The following CERK variants were observed in gnomAD, a reference collection of about 807,000 sequenced individuals.
CERK encodes acylsphingosine kinase.
Under a neutral mutation model 63.4 loss-of-function variants are expected in CERK, and 39 were observed. That is an observed-to-expected ratio of 0.61 (90% CI 0.48 to 0.80). The LOEUF is 0.80. Ranked by LOEUF, CERK falls within the 30% of genes least tolerant of loss-of-function variation. The pLI is 0.00. For missense variants in CERK, 670 were observed against 714.1 expected, an observed-to-expected ratio of 0.94 and a Z score of 0.70; for synonymous variants, 302 against 280.0, an observed-to-expected ratio of 1.08 and a Z score of -0.78.
chr22:46,696,327 TC>T (rs1030381058), intron 8 of CERK, among the ~76,000 whole-genome samples: 5 of 152,108 alleles, frequency 3.3e-5, no homozygotes, highest in Non-Finnish European at 7.4e-5. Flanking sequence ...CAGCTCCGCC[TC>T]CCTGCAGAGT....
intron 8 of CERK, among the ~76,000 whole-genome samples, chr22:46,697,510 TTTC>T: frequency 6.6e-6 from 1 of 150,584 alleles, no homozygotes; most frequent in Non-Finnish European, 1.5e-5. Flanking sequence ...AAATTCTACT[TTTC>T]TTTTTTTTTG....
rs570390031 is a variant in CERK, at chr22:46,689,999, C to T, written c.1534G>A (p.Glu512Lys). The T allele has an allele frequency of 1.7e-5, 28 of 1,604,384 alleles. No individual in the cohort carries two copies. The Admixed American group carries it at 3.2e-4, about 18-fold the overall frequency. The change falls in exon 12 of 13, where the codon GAG (glutamate) becomes AAG (lysine). Residue 512 changes from glutamate to lysine, a missense_variant. Transcript: ENST00000216264. ...GAGGACCCCTGCACGCACCTGACCTCGATGGCAGGGCTGTGCAGGACCTCC... is the reference window on the plus strand; with the variant it reads ...GAGGACCCCTGCACGCACCTGACCTTGATGGCAGGGCTGTGCAGGACCTCC... Reference protein sequence around the residue: ...DGEVLHSPAIEVRVHCQLVRL... With the variant: ...DGEVLHSPAIKVRVHCQLVRL...
At position 46,720,883 on chromosome 22, in the gene CERK, A is replaced by C. The variant is rs969183796; in HGVS notation, c.256+19T>G. On this transcript the variant is annotated intron_variant, in intron 2 of 12. Coordinates refer to ENST00000216264, the MANE Select transcript of CERK (RefSeq NM_022766.6). ...TAGAATTAATGAAGAATGTGGGAGA[A>C]GACATTTAGGCTTATCACCTGTAAA... 2.1e-6 allele frequency: 3 copies of C among 1,423,402 alleles called. No individual in the cohort carries two copies. Among genetic ancestry groups the C allele is most frequent in the South Asian group, 1.1e-5 (1 of 87,178 alleles). 88.2% of individuals were successfully genotyped at this position (1,423,402 alleles called of 1,614,324 possible).
Position 46,695,308 on chromosome 22 carries a change from C to T in CERK, c.951G>A (p.Lys317=), listed in dbSNP as rs769366380. ...CATAGCAGTGGTGGGAGAGGAAGGTCTTTAAACCTGGGAACAGAGTGCAGT... is the reference window on the plus strand; with the variant it reads ...CATAGCAGTGGTGGGAGAGGAAGGTTTTTAAACCTGGGAACAGAGTGCAGT... The part of the protein sequence containing the change: ...GLARYDFSGL[K]TFLSHHCYEG... The change falls in exon 9 of 13, where the codon AAG becomes AAA. Residue 317 remains lysine, a synonymous_variant. Transcript: ENST00000216264. The T allele has an allele frequency of 1.3e-5, 21 of 1,593,276 alleles. No individual in the cohort carries two copies. The highest frequency in any genetic ancestry group is 2.2e-5 in the South Asian group (2 of 90,694).
chr22:46,695,243 CCCA>C lies in CERK; in HGVS notation c.1013_1015del (p.Val338del), dbSNP rs749140427. 3.7e-6 allele frequency: 6 copies of C among 1,609,246 alleles called. No individual in the cohort carries two copies. In the East Asian group the frequency reaches 1.3e-4, roughly 36 times the overall value. ...GCAGGGCTTCCTATCCCTTGGAGAT[CCCA>C]CCGTGTGTTGTGCAGGGAGGAAGGA... On this transcript the variant is annotated inframe_deletion, in exon 9 of 13. Coordinates refer to ENST00000216264, the MANE Select transcript of CERK (RefSeq NM_022766.6).
At chr22:46,691,056 T>TACAC (rs141210280) in intron 11 of CERK, among the ~76,000 whole-genome samples, 15,979 of 147,216 alleles carry the variant, frequency 0.11, 1,039 homozygotes, top group African/African-American at 0.17. Flanking sequence ...TATACATACA[T>TACAC]ACACACACAC....
At chr22:46,699,125 C>A (rs2082770589) in intron 8 of CERK, among the ~76,000 whole-genome samples, 188 bp downstream of exon 8, 1 of 151,966 alleles carries the variant, frequency 6.6e-6, no homozygotes, top group Non-Finnish European at 1.5e-5. Context: ...TGGTTTAGAG[C>A]AATCCAGGTT....
intron 5 of CERK, among the ~76,000 whole-genome samples, chr22:46,709,596 C>A (rs545438433): frequency 6.6e-6 from 1 of 152,304 alleles, no homozygotes; most frequent in Admixed American, 6.5e-5. Flanking sequence ...ACCTGGAGGA[C>A]CCTCAATAAT....
intron 10 of CERK, 128 bp downstream of exon 10, chr22:46,693,299 C>CT: frequency 1.4e-6 from 1 of 722,568 alleles, no homozygotes; most frequent in Non-Finnish European, 2.4e-6. Flanking sequence ...GAAATGGATG[C>CT]CTGGTGCCAG....
At chr22:46,718,262 G>GCCC (rs2082875756) in intron 3 of CERK, among the ~76,000 whole-genome samples, 5 of 152,144 alleles carry the variant, frequency 3.3e-5, no homozygotes, top group Non-Finnish European at 7.3e-5. Flanking sequence ...GGGTTCAGAG[G>GCCC]ACTTTCTCTT....
chr22:46,699,088 T>C (rs560059877), intron 8 of CERK, among the ~76,000 whole-genome samples: 4 of 152,214 alleles, frequency 2.6e-5, no homozygotes, highest in Admixed American at 1.3e-4. Context: ...ACTCTGTGGC[T>C]TATGCTTGGG....
chr22:46,697,361 C>CA (rs2082761618), intron 8 of CERK, among the ~76,000 whole-genome samples: 1 of 151,980 alleles, frequency 6.6e-6, no homozygotes, highest in African/African-American at 2.4e-5. Context: ...AGTGCAGTGG[C>CA]CTGATCTCTG....
At chr22:46,707,384 C>T (rs1441379805) in intron 6 of CERK, among the ~76,000 whole-genome samples, 2 of 152,304 alleles carry the variant, frequency 1.3e-5, no homozygotes, top group East Asian at 1.9e-4. Context: ...CAGCTGTTCC[C>T]GGGCTCGGCT....
Position 46,687,020 on chromosome 22 carries a change from A to C in CERK, c.*114T>G. ...GGGTTTTCTTCTAAAATCAAGATTT[A>C]ACTATCAAAAATAAATTTCTACATT... On this transcript the variant is annotated 3_prime_UTR_variant, in exon 13 of 13. Coordinates refer to ENST00000216264, the MANE Select transcript of CERK (RefSeq NM_022766.6). 1.1e-6 allele frequency: 1 copy of C among 876,642 alleles called. No individual in the cohort carries two copies. 54.3% of individuals were successfully genotyped at this position (876,642 alleles called of 1,614,324 possible).
chr22:46,720,318 C>T, intron 2 of CERK, 110 bp from the exon 3 acceptor site: 3 of 1,298,796 alleles, frequency 2.3e-6, no homozygotes, highest in Non-Finnish European at 2.1e-6. Flanking sequence ...ACCAAAATTT[C>T]CCAGGGGTTC....
intron 5 of CERK, among the ~76,000 whole-genome samples, chr22:46,709,772 C>G (rs530187249): frequency 2.0e-5 from 3 of 152,228 alleles, no homozygotes; most frequent in Admixed American, 1.3e-4. Context: ...AAATTTTAAG[C>G]ATAAAGAACA....
In CERK at chr22:46,699,360, T is replaced by C; in HGVS notation, c.896A>G (p.Asp299Gly). ...ACCCAACCACCGTTTCTTCTCACTG[T>C]CCTTGATGATGTCCCCGTAGAAGCC... The part of the protein sequence containing the change: ...GYGFYGDIIK[D>G]SEKKRWLGLA... The change falls in exon 8 of 13, where the codon GAC (aspartate) becomes GGC (glycine). Residue 299 changes from aspartate to glycine, a missense_variant. Physicochemically the swap from Asp to Gly is moderately conservative, Grantham distance 94. Transcript: ENST00000216264. 1 of 1,614,176 alleles carries C rather than the reference T, an allele frequency of 6.2e-7. No individual in the cohort carries two copies. Among genetic ancestry groups the C allele is most frequent in the Non-Finnish European group, 8.5e-7 (1 of 1,180,020 alleles).
intron 1 of CERK, chr22:46,735,076 AAC>A (rs3083469): frequency 2.0e-4 from 30 of 149,376 alleles, no homozygotes; most frequent in African/African-American, 3.9e-4. Flanking sequence ...CTCACCCCCC[AAC>A]ACACACACAC....
intron 1 of CERK, among the ~76,000 whole-genome samples, chr22:46,731,314 G>C (rs1443718872): frequency 2.0e-5 from 3 of 152,218 alleles, no homozygotes; most frequent in Non-Finnish European, 4.4e-5. Context: ...GCTGTTAGGG[G>C]AGTGCATGTG....
Sources: allele counts gnomAD v4.1 joint callset (sites outside exome capture counted in the v4.1 genomes callset), GRCh38; gene constraint gnomAD v4.1.1; transcripts MANE v1.5; gene names NCBI Gene and HGNC (gene_info 2026-07-23, HGNC 2026-07-21).